Variants in HDX observed in about 807,000 individuals in gnomAD.
HDX encodes chromosome X open reading frame 43.
Under a neutral mutation model 45.2 loss-of-function variants are expected in HDX, and 19 were observed. The observed-to-expected ratio is 0.42, with a 90% CI of 0.29 to 0.62. The LOEUF (loss-of-function observed/expected upper bound fraction) is 0.62. Among genes scored for constraint, HDX ranks in the 20% least tolerant of loss-of-function variants. The pLI is 0.20. For synonymous variants in HDX, 188 were observed against 172.8 expected, an observed-to-expected ratio of 1.09 and a Z score of -0.69; for missense variants, 532 against 493.9, an observed-to-expected ratio of 1.08 and a Z score of -0.73.
chrX:84,426,498 C>A (rs2039387590), intron 5 of HDX, among the ~76,000 whole-genome samples: 1 of 110,735 alleles, frequency 9.0e-6, no homozygotes, highest in African/African-American at 3.3e-5. Flanking sequence ...ACATTTGTGA[C>A]AACAGAAGTA....
intron 5 of HDX, among the ~76,000 whole-genome samples, chrX:84,403,079 G>A (rs1369534768): frequency 1.8e-5 from 2 of 110,757 alleles, no homozygotes; most frequent in African/African-American, 6.6e-5. Context: ...AAATACTGAA[G>A]CTATTTACCC....
intron 5 of HDX, among the ~76,000 whole-genome samples, chrX:84,385,206 T>C (rs1434523805): frequency 3.5e-5 from 2 of 57,089 alleles, no homozygotes; most frequent in Non-Finnish European, 6.2e-5. Context: ...CTTTTTTTTT[T>C]TTTTTTTTTT....
intron 2 of HDX, among the ~76,000 whole-genome samples, chrX:84,484,275 T>G (rs1274219940): frequency 4.5e-5 from 5 of 111,904 alleles, no homozygotes; most frequent in Admixed American, 3.8e-4. Context: ...AAGAATTGCT[T>G]GAGACTGGGT....
chrX:84,399,968 A>C (rs1219719379), intron 5 of HDX, among the ~76,000 whole-genome samples: 1 of 111,918 alleles, frequency 8.9e-6, no homozygotes, highest in African/African-American at 3.2e-5. Context: ...AAACCACATT[A>C]ATATATCAAT....
At position 84,405,256 on chromosome X, in the gene HDX, T is replaced by A. The variant is rs2038791997; in HGVS notation, c.1305+35276A>T. ...ATATTCATAACTAAGTCCAACTTAT[T>A]TTCTCTAAAGTCCTAACTAAATATT... On this transcript the variant is annotated intron_variant, in intron 5 of 10. Coordinates refer to ENST00000373177, the MANE Select transcript of HDX (RefSeq NM_001177479.2). Among the ~76,000 whole-genome samples, 3 of 110,465 alleles carry A rather than the reference T, an allele frequency of 2.7e-5. No individual in the cohort carries two copies. In the Admixed American group the frequency reaches 2.9e-4, roughly 11 times the overall value.
chrX:84,433,501 C>T lies in HDX; in HGVS notation c.1305+7031G>A, dbSNP rs992283127. Among the ~76,000 whole-genome samples the T allele has an allele frequency of 1.8e-4, 20 of 111,175 alleles. 1 individual carries two copies. Among genetic ancestry groups the T allele is most frequent in the African/African-American group, 5.5e-4 (17 of 30,640 alleles). On this transcript the variant is annotated intron_variant, in intron 5 of 10. Coordinates refer to ENST00000373177, the MANE Select transcript of HDX (RefSeq NM_001177479.2). ...GTCAAAAATCATCTGGCTGTAAGTACGTGAATTAATTTATATGTTCTCTCC... is the reference window on the plus strand; with the variant it reads ...GTCAAAAATCATCTGGCTGTAAGTATGTGAATTAATTTATATGTTCTCTCC...
intron 1 of HDX, among the ~76,000 whole-genome samples, chrX:84,492,181 G>A (rs1354589097): frequency 9.0e-6 from 1 of 111,173 alleles, no homozygotes; most frequent in East Asian, 2.8e-4. Flanking sequence ...CAGTAAGTTG[G>A]GACATTCATA....
intron 4 of HDX, among the ~76,000 whole-genome samples, chrX:84,462,997 G>A (rs960009158): frequency 2.7e-5 from 3 of 110,949 alleles, no homozygotes; most frequent in Admixed American, 9.6e-5. Flanking sequence ...AGAAAGATTA[G>A]TGGTTGCTTG....
chrX:84,485,330 A>C (rs986046499), intron 2 of HDX, among the ~76,000 whole-genome samples: 1 of 111,929 alleles, frequency 8.9e-6, no homozygotes, highest in Admixed American at 9.5e-5. Context: ...CAATTACTAA[A>C]AGAAGAATGG....
Position 84,409,386 on chromosome X carries a change from G to A in HDX, c.1305+31146C>T, listed in dbSNP as rs865953827. Among the ~76,000 whole-genome samples the A allele has an allele frequency of 7.5e-4, 83 of 111,090 alleles. 2 individuals carry two copies. In the Middle Eastern group the frequency reaches 0.018, roughly 25 times the overall value. On this transcript the variant is annotated intron_variant, in intron 5 of 10. Transcript: ENST00000373177. ...TCCCATTACTGGGTATATACCCAAA[G>A]GATTATAAATCATGCTGCTATAAAG...
intron 5 of HDX, among the ~76,000 whole-genome samples, chrX:84,405,888 C>A (rs1018581002): frequency 9.1e-6 from 1 of 109,918 alleles, no homozygotes; most frequent in Non-Finnish European, 1.9e-5. Context: ...ATTTAATCAC[C>A]AAAATAAGCC....
intron 1 of HDX, among the ~76,000 whole-genome samples, chrX:84,488,646 T>C (rs759467378): frequency 3.1e-4 from 35 of 111,239 alleles, no homozygotes; most frequent in African/African-American, 1.1e-3. Context: ...TTTTGGGAAA[T>C]TAGTCATTCT....
chrX:84,405,793 G>A (rs1170674918), intron 5 of HDX, among the ~76,000 whole-genome samples: 1 of 108,398 alleles, frequency 9.2e-6, no homozygotes, highest in East Asian at 2.9e-4. Context: ...TAAACTAGAC[G>A]CTAATCCAAA....
intron 7 of HDX, among the ~76,000 whole-genome samples, chrX:84,338,439 T>C (rs1399999333): frequency 9.0e-6 from 1 of 110,710 alleles, no homozygotes; most frequent in African/African-American, 3.3e-5. Flanking sequence ...TTATCTCACA[T>C]AGTTATCCAT....
intron 7 of HDX, among the ~76,000 whole-genome samples, chrX:84,343,155 T>C (rs989592654): frequency 6.3e-5 from 7 of 111,078 alleles, no homozygotes; most frequent in African/African-American, 2.0e-4. Flanking sequence ...AAGGGACTTA[T>C]TGGAGAGATG....
intron 5 of HDX, among the ~76,000 whole-genome samples, chrX:84,389,551 C>T (rs750161238): frequency 2.7e-5 from 3 of 111,477 alleles, no homozygotes; most frequent in East Asian, 2.8e-4. Flanking sequence ...GGGTTCTGGC[C>T]GCACTGAGGG....
chrX:84,386,416 C>A (rs975291033), intron 5 of HDX, among the ~76,000 whole-genome samples: 1 of 111,156 alleles, frequency 9.0e-6, no homozygotes, highest in African/African-American at 3.3e-5. Flanking sequence ...GCAATAGTTT[C>A]ATGATAATTG....
In HDX at chrX:84,320,662, C is replaced by G. The variant is rs1353522009; in HGVS notation, c.*1227G>C. 1 of 110,808 alleles carries G rather than the reference C, an allele frequency of 9.0e-6. No individual in the cohort carries two copies. Among genetic ancestry groups the G allele is most frequent in the Non-Finnish European group, 1.9e-5 (1 of 52,396 alleles). 9.1% of individuals were successfully genotyped at this position (110,808 alleles called of 1,213,427 possible). A position where few individuals can be genotyped will look rare whatever the true frequency, so the allele number is the denominator to read the frequency against. ...GCAACACAATTGCACACTGCCAAGT[C>G]ACAAATATATGACACTGTGGGCTTA... On this transcript the variant is annotated 3_prime_UTR_variant, in exon 11 of 11. Transcript: ENST00000373177.
chrX:84,494,474 CTATT>C (rs1220033495), intron 1 of HDX, among the ~76,000 whole-genome samples: 1 of 111,802 alleles, frequency 8.9e-6, no homozygotes, highest in African/African-American at 3.2e-5. Context: ...AAGAGATAGA[CTATT>C]TAATTATCTT....
Sources: gnomAD v4.1 joint callset for allele counts (sites outside exome capture counted in the v4.1 genomes callset) on GRCh38, gnomAD v4.1.1 for gene constraint, MANE v1.5 for transcripts, NCBI Gene and HGNC (gene_info 2026-07-23, HGNC 2026-07-21) for gene names.